The following NPAS3 variants were observed in gnomAD, a reference collection of about 807,000 sequenced individuals.
NPAS3 encodes the protein neuronal PAS domain-containing protein 3.
Under a neutral mutation model 73.1 loss-of-function variants are expected in NPAS3, and 14 were observed. That is an observed-to-expected ratio of 0.19 (90% confidence interval 0.13 to 0.30). The LOEUF (loss-of-function observed/expected upper bound fraction) is 0.30. Among genes scored for constraint, NPAS3 ranks in the 10% least tolerant of loss-of-function variants. The probability of loss-of-function intolerance (pLI) is 1.00; values close to 1 mark genes in which losing one functional copy is unlikely to be tolerated. For synonymous variants in NPAS3, 620 were observed against 541.5 expected, an observed-to-expected ratio of 1.14 and a Z score of -2.01; for missense variants, 1,096 against 1,250.0, an observed-to-expected ratio of 0.88 and a Z score of 1.86.
chr14:33,041,382 A>C (rs1455378538), intron 1 of NPAS3, among the ~76,000 whole-genome samples: 3 of 152,194 alleles, frequency 2.0e-5, no homozygotes, highest in African/African-American at 2.4e-5. Context: ...CCAAGAGTTT[A>C]CTAAGACCAA....
intron 6 of NPAS3, among the ~76,000 whole-genome samples, chr14:33,727,285 C>T (rs2061294247): frequency 1.3e-5 from 2 of 152,142 alleles, no homozygotes; most frequent in African/African-American, 2.4e-5. Flanking sequence ...GCAATCATTG[C>T]AACCATAATT....
Position 33,649,666 on chromosome 14 carries a change from A to C in NPAS3, c.559-26545A>C, listed in dbSNP as rs1383620693. On this transcript the variant is annotated intron_variant, in intron 5 of 11. Transcript: ENST00000356141. ...AGGTGGAAGAAGTGAGCTGAATTTT[A>C]CTAATTTGGTAAGCAATAAGAAGGA... Among the ~76,000 whole-genome samples the C allele has an allele frequency of 2.0e-5, 3 of 152,224 alleles. No homozygotes were observed. The East Asian group carries it at 5.8e-4, about 29-fold the overall frequency.
At chr14:33,694,559 T>C (rs960609325) in intron 6 of NPAS3, among the ~76,000 whole-genome samples, 2 of 152,166 alleles carry the variant, frequency 1.3e-5, no homozygotes, top group Admixed American at 1.3e-4. Context: ...GTCAAAGATC[T>C]GCTGTAACTT....
At chr14:33,164,325 T>C (rs1595584600) in intron 2 of NPAS3, among the ~76,000 whole-genome samples, 1 of 152,328 alleles carries the variant, frequency 6.6e-6, no homozygotes, top group Non-Finnish European at 1.5e-5. Context: ...GAAGCTTCAC[T>C]TATCAGAGAA....
In NPAS3 at chr14:32,994,344, A is replaced by C. The variant is rs144413000; in HGVS notation, c.50+54978A>C. ...CTGTATATTAAATTAATATCCTGTTAACAAAAATTATGACAAGTGAATACT... is the reference window on the plus strand; with the variant it reads ...CTGTATATTAAATTAATATCCTGTTCACAAAAATTATGACAAGTGAATACT... On this transcript the variant is annotated intron_variant, in intron 1 of 11. Coordinates refer to ENST00000356141, the Ensembl canonical transcript of NPAS3. 3.8e-3 allele frequency among the ~76,000 whole-genome samples: 574 copies of C among 152,268 alleles called. 2 individuals are homozygous for C. The highest frequency in any genetic ancestry group is 0.013 in the African/African-American group (553 of 41,542).
At chr14:33,072,788 T>C (rs926320356) in intron 2 of NPAS3, among the ~76,000 whole-genome samples, 3 of 152,166 alleles carry the variant, frequency 2.0e-5, no homozygotes, top group East Asian at 1.9e-4. Flanking sequence ...AGGCCTTTGG[T>C]TTCCTTGAAA....
intron 4 of NPAS3, among the ~76,000 whole-genome samples, chr14:33,451,725 C>T (rs1173698328): frequency 1.3e-5 from 2 of 152,092 alleles, no homozygotes; most frequent in African/African-American, 2.4e-5. Context: ...TGCACATTTT[C>T]TTGTGCCCAT....
At chr14:33,370,609 A>G (rs1454340348) in intron 4 of NPAS3, among the ~76,000 whole-genome samples, 1 of 152,190 alleles carries the variant, frequency 6.6e-6, no homozygotes, top group East Asian at 1.9e-4. Flanking sequence ...TGGAGTTATC[A>G]TCAAAATACA....
At chr14:32,939,289 G>A (rs774891634), upstream of NPAS3, 1 of 653,210 alleles carries the variant, frequency 1.5e-6, no homozygotes, top group Admixed American at 2.0e-5. Context: ...GAGGCAAAAA[G>A]TAAGAGAGGA....
At chr14:33,632,486 G>C (rs1013938648) in intron 5 of NPAS3, among the ~76,000 whole-genome samples, 1 of 152,186 alleles carries the variant, frequency 6.6e-6, no homozygotes. Context: ...GTTAACTGCT[G>C]TATTTATAAC....
chr14:33,544,907 A>C (rs2054771166), intron 4 of NPAS3, among the ~76,000 whole-genome samples: 1 of 145,824 alleles, frequency 6.9e-6, no homozygotes. Flanking sequence ...GTATGTGTAT[A>C]TAGATCCTAG....
intron 1 of NPAS3, among the ~76,000 whole-genome samples, chr14:32,949,762 T>C (rs546221029): frequency 1.3e-5 from 2 of 152,036 alleles, no homozygotes; most frequent in Non-Finnish European, 2.9e-5. Context: ...AAGGAAAAAG[T>C]CCAGCCCTAT....
At chr14:33,326,438 G>A (rs1028480310) in intron 3 of NPAS3, among the ~76,000 whole-genome samples, 3 of 152,082 alleles carry the variant, frequency 2.0e-5, no homozygotes, top group African/African-American at 4.8e-5. Flanking sequence ...TGTCAACTTC[G>A]GCAAGTTAGA....
chr14:33,001,367 C>T (rs2038800165), intron 1 of NPAS3, among the ~76,000 whole-genome samples: 1 of 152,098 alleles, frequency 6.6e-6, no homozygotes, highest in Non-Finnish European at 1.5e-5. Flanking sequence ...TAGGTGGGTG[C>T]CTCTGAGGAA....
intron 5 of NPAS3, among the ~76,000 whole-genome samples, chr14:33,636,480 G>T (rs1276902612): frequency 6.6e-6 from 1 of 152,148 alleles, no homozygotes; most frequent in African/African-American, 2.4e-5. Context: ...TGATATTCCT[G>T]CTCCTGAAGT....
At chr14:33,766,053 A>G (rs718060) in intron 7 of NPAS3, among the ~76,000 whole-genome samples, 38,193 of 152,200 alleles carry the variant, frequency 0.25, 5,539 homozygotes, top group East Asian at 0.35. Flanking sequence ...TTCCAATTAA[A>G]GTAAAGAACA....
chr14:33,355,379 C>T (rs2045289918), intron 3 of NPAS3, among the ~76,000 whole-genome samples: 1 of 152,182 alleles, frequency 6.6e-6, no homozygotes, highest in South Asian at 2.1e-4. Flanking sequence ...CGGCTCACTG[C>T]ATCCTCCGCC....
At chr14:33,291,789 A>G (rs1431050989) in intron 3 of NPAS3, among the ~76,000 whole-genome samples, 1 of 152,224 alleles carries the variant, frequency 6.6e-6, no homozygotes, top group African/African-American at 2.4e-5. Context: ...TAAAAACAAT[A>G]TTGTCATTTT....
At chr14:32,937,062 T>C (rs1255725738), upstream of NPAS3, among the ~76,000 whole-genome samples, 1 of 152,076 alleles carries the variant, frequency 6.6e-6, no homozygotes, top group Non-Finnish European at 1.5e-5. Flanking sequence ...TTGATTTTGT[T>C]ACTAAGACAT....
Sources: gnomAD v4.1 joint callset for allele counts (sites outside exome capture counted in the v4.1 genomes callset) on GRCh38, gnomAD v4.1.1 for gene constraint, MANE v1.5 for transcripts, NCBI Gene and HGNC (gene_info 2026-07-23, HGNC 2026-07-21) for gene names.